Variants in DOCK1 observed in about 807,000 individuals in gnomAD.
DOCK1 encodes dedicator of cytokinesis 1, also known as dedicator of cytokinesis protein 1.
Under a neutral mutation model 262.7 loss-of-function variants are expected in DOCK1, and 138 were observed. The observed-to-expected ratio is 0.53, with a 90% confidence interval of 0.46 to 0.61. The LOEUF (loss-of-function observed/expected upper bound fraction) is 0.61, where lower values mean the gene tolerates loss of function less well. DOCK1 is among the 20% of genes least tolerant of loss of function. DOCK1 has a pLI of 0.00. For synonymous variants in DOCK1, 866 were observed against 867.4 expected, an observed-to-expected ratio of 1.00 and a Z score of 0.03; for missense variants, 1,908 against 2,370.7, an observed-to-expected ratio of 0.80 and a Z score of 4.05.
Position 126,947,841 on chromosome 10 carries a change from T to TGG in DOCK1, c.47-22861_47-22860insGG, listed in dbSNP as rs2035661419. Among the ~76,000 whole-genome samples, 6 of 9,602 alleles carry TGG rather than the reference T, an allele frequency of 6.2e-4. 2 individuals carry two copies. The highest frequency in any genetic ancestry group is 1.0e-3 in the Admixed American group (1 of 958). 6.3% of individuals were successfully genotyped at this position (9,602 alleles called of 152,430 possible). On this transcript the variant is annotated intron_variant, in intron 1 of 51. Coordinates refer to ENST00000623213, the MANE Select transcript of DOCK1 (RefSeq NM_001290223.2). ...GTGGTGGTTGGTAGTATTACTGTTGTTGGTGATGGTGGTGGTTGGTAGTAT... is the reference window on the plus strand; with the variant it reads ...GTGGTGGTTGGTAGTATTACTGTTGTGGTGGTGATGGTGGTGGTTGGTAGTAT...
chr10:127,136,239 C>T (rs2050685350), intron 27 of DOCK1: 1 of 151,914 alleles, frequency 6.6e-6, no homozygotes, highest in South Asian at 2.1e-4. Context: ...CTTGTAGAAT[C>T]AAAACACTTA....
intron 32 of DOCK1, among the ~76,000 whole-genome samples, chr10:127,355,151 C>G (rs200023468): frequency 1.3e-5 from 2 of 151,932 alleles, no homozygotes; most frequent in African/African-American, 4.8e-5. Context: ...CCAGATCTAC[C>G]TGGTGGCAGC....
rs12266173 is a variant in DOCK1, at chr10:127,093,460, G to A, written c.2446-12771G>A. ...CTCCACCTTCCAGGGTCAAGTAATC[G>A]TCCTACCTCAGCCTCCCAAGTAGCT... On this transcript the variant is annotated intron_variant, in intron 23 of 51. Transcript: ENST00000623213. Among the ~76,000 whole-genome samples the A allele has an allele frequency of 1.4e-3, 211 of 150,678 alleles. 3 individuals carry two copies. Among genetic ancestry groups the A allele is most frequent in the African/African-American group, 4.8e-3 (197 of 40,918 alleles).
chr10:127,210,629 C>T (rs1222601455), intron 27 of DOCK1, among the ~76,000 whole-genome samples: 2 of 152,162 alleles, frequency 1.3e-5, no homozygotes, highest in African/African-American at 4.8e-5. Flanking sequence ...CTGCCTGTTC[C>T]CTGGGTGGCT....
At chr10:127,018,622 G>C in intron 12 of DOCK1, 88 bp from the exon 13 acceptor site, 3 of 1,581,886 alleles carry the variant, frequency 1.9e-6, no homozygotes, top group Non-Finnish European at 2.6e-6. Flanking sequence ...TGAATTAAAA[G>C]TCTCTCATTC....
At chr10:127,404,497 G>T (rs2067401266) in intron 40 of DOCK1, 68 bp downstream of exon 40, 1 of 1,461,518 alleles carries the variant, frequency 6.8e-7, no homozygotes, top group African/African-American at 1.4e-5. Flanking sequence ...TTCCCGTTCT[G>T]AGGAAGGGTG....
At chr10:127,423,495 C>T (rs571887390) in intron 46 of DOCK1, among the ~76,000 whole-genome samples, 82 of 152,258 alleles carry the variant, frequency 5.4e-4, no homozygotes, top group African/African-American at 1.7e-3. Flanking sequence ...TGTAGGTTTG[C>T]GGCTGGCACC....
intron 27 of DOCK1, among the ~76,000 whole-genome samples, chr10:127,148,277 A>G (rs1200717572): frequency 1.3e-5 from 2 of 152,186 alleles, no homozygotes; most frequent in Non-Finnish European, 2.9e-5. Flanking sequence ...ATGATCCAGA[A>G]ATGAAGCAGA....
intron 32 of DOCK1, among the ~76,000 whole-genome samples, chr10:127,355,996 C>G (rs1185571864): frequency 6.6e-6 from 1 of 152,246 alleles, no homozygotes; most frequent in African/African-American, 2.4e-5. Flanking sequence ...TGTGCCCTCC[C>G]AGTACAAAGA....
chr10:127,339,763 C>A (rs992232413), intron 30 of DOCK1, among the ~76,000 whole-genome samples: 4 of 136,346 alleles, frequency 2.9e-5, no homozygotes, highest in African/African-American at 8.1e-5. Context: ...TTTTGCCTGG[C>A]CTGATTTCTT....
chr10:127,167,754 C>T (rs1433020537), intron 27 of DOCK1, among the ~76,000 whole-genome samples: 1 of 152,058 alleles, frequency 6.6e-6, no homozygotes, highest in Non-Finnish European at 1.5e-5. Context: ...CTGGTCCTGT[C>T]CTTTTCTCTG....
intron 42 of DOCK1, among the ~76,000 whole-genome samples, chr10:127,410,390 A>G (rs1457998545): frequency 6.6e-6 from 1 of 152,206 alleles, no homozygotes; most frequent in Admixed American, 6.5e-5. Flanking sequence ...GCATGCGGAA[A>G]GCCTGCCTCG....
chr10:127,290,298 A>G (rs1026972503), intron 29 of DOCK1, among the ~76,000 whole-genome samples: 8 of 151,698 alleles, frequency 5.3e-5, no homozygotes, highest in Admixed American at 1.3e-4. Flanking sequence ...TTTTTCCATA[A>G]TTTCCTGTGT....
chr10:126,957,066 C>G (rs1353580779), intron 1 of DOCK1, among the ~76,000 whole-genome samples: 3 of 152,184 alleles, frequency 2.0e-5, no homozygotes, highest in African/African-American at 7.2e-5. Context: ...GGGGTCTCTG[C>G]AAGGGGGTCC....
chr10:127,040,918 A>G (rs911330466), intron 19 of DOCK1, among the ~76,000 whole-genome samples: 2 of 151,900 alleles, frequency 1.3e-5, no homozygotes, highest in Non-Finnish European at 2.9e-5. Context: ...ATTAGTAGTC[A>G]CTTTCTCCTC....
At chr10:127,178,619 G>A (rs1465875811) in intron 27 of DOCK1, among the ~76,000 whole-genome samples, 1 of 152,226 alleles carries the variant, frequency 6.6e-6, no homozygotes, top group East Asian at 1.9e-4. Flanking sequence ...GGTGAGGCTT[G>A]CGTAGACAGC....
intron 29 of DOCK1, among the ~76,000 whole-genome samples, chr10:127,286,734 A>G (rs1461695915): frequency 6.6e-6 from 1 of 152,144 alleles, no homozygotes; most frequent in Non-Finnish European, 1.5e-5. Context: ...ATTACTCCTT[A>G]GAAAATGTTG....
chr10:127,009,269 G>C (rs1457955734), intron 11 of DOCK1, among the ~76,000 whole-genome samples: 1 of 152,128 alleles, frequency 6.6e-6, no homozygotes, highest in Admixed American at 6.5e-5. Flanking sequence ...TTGTGTCTCG[G>C]TTTTTGCTTA....
intron 51 of DOCK1, among the ~76,000 whole-genome samples, chr10:127,449,780 T>A (rs11018104): frequency 0.32 from 48,633 of 152,052 alleles, 8,648 homozygotes; most frequent in South Asian, 0.44. Context: ...CTCTCATTGA[T>A]CAGCCTCAGG....
Sources: gnomAD v4.1 joint callset for allele counts (sites outside exome capture counted in the v4.1 genomes callset) on GRCh38, gnomAD v4.1.1 for gene constraint, MANE v1.5 for transcripts, NCBI Gene and HGNC (gene_info 2026-07-23, HGNC 2026-07-21) for gene names.